ASPHD2: variants seen among roughly 807,000 people sequenced by gnomAD.
ASPHD2 encodes aspartate beta-hydroxylase domain-containing protein 2.
ASPHD2 carries 12 observed loss-of-function variants against 34.6 expected under a neutral mutation model. That is an observed-to-expected ratio of 0.35 (90% CI 0.22 to 0.56). The LOEUF (loss-of-function observed/expected upper bound fraction) is 0.56, where lower values mean the gene tolerates loss of function less well. ASPHD2 is among the 20% of genes least tolerant of loss of function. The probability of loss-of-function intolerance (pLI) is 0.87; values close to 1 mark genes in which losing one functional copy is unlikely to be tolerated. For synonymous variants in ASPHD2, 224 were observed against 212.2 expected (o/e 1.06, Z -0.48); for missense variants, 375 against 505.0 (o/e 0.74, Z 2.47).
rs1043099097 is a variant in ASPHD2, at chr22:26,444,225, A to G, written c.*1019A>G. On this transcript the variant is annotated 3_prime_UTR_variant, in exon 4 of 4. Coordinates refer to ENST00000215906, the MANE Select transcript of ASPHD2 (RefSeq NM_020437.5). ...GTTTTGCTTTGGAGTTCTGTTGCCTATGTTTTTTTTTTTTTCATTTATTTG... is the reference window on the plus strand; with the variant it reads ...GTTTTGCTTTGGAGTTCTGTTGCCTGTGTTTTTTTTTTTTTCATTTATTTG... 1.4e-5 allele frequency: 2 copies of G among 143,350 alleles called. No individual in the cohort carries two copies. The highest frequency in any genetic ancestry group is 5.2e-5 in the African/African-American group (2 of 38,216). 8.9% of individuals were successfully genotyped at this position (143,350 alleles called of 1,614,324 possible).
Position 26,434,129 on chromosome 22 carries a change from G to T in ASPHD2, c.514G>T (p.Asp172Tyr), listed in dbSNP as rs142083990. The T allele has an allele frequency of 1.2e-6, 2 of 1,611,898 alleles. No individual in the cohort carries two copies. The highest frequency in any genetic ancestry group is 3.4e-5 in the Admixed American group (2 of 59,306). ...IQKPEVFFLP[D>Y]LPTTPYFSRD... ...GAAGCCCGAGGTCTTCTTCCTGCCC[G>T]ACCTGCCCACCACGCCCTATTTCTC... Residue 172 changes from aspartate (D) to tyrosine (Y), a missense_variant, in exon 2 of 4, where the codon GAC becomes TAC. By Grantham distance (160) the Asp-to-Tyr change is radical (BLOSUM62 -3). Transcript: ENST00000215906.
rs955886054 is a variant in ASPHD2 at position 26,433,092 on chromosome 22, G to A, written c.-224-300G>A. ...TCTCTGCCCTGGCTGTATAACTCTC[G>A]TGAGTTATGTAACTTCTCTGAGCCT... On this transcript the variant is annotated intron_variant, in intron 1 of 3. Coordinates refer to ENST00000215906, the MANE Select transcript of ASPHD2 (RefSeq NM_020437.5). The surrounding 1 kb of genome is among the most constrained non-coding windows in gnomAD (Gnocchi z 5.1). Among the ~76,000 whole-genome samples the A allele has an allele frequency of 3.9e-5, 6 of 152,156 alleles. No homozygotes were observed. Among genetic ancestry groups the A allele is most frequent in the African/African-American group, 1.4e-4 (6 of 41,410 alleles).
In ASPHD2 at chr22:26,433,348, T is replaced by C; in HGVS notation, c.-224-44T>C. 3.9e-6 allele frequency: 2 copies of C among 514,754 alleles called. No individual in the cohort carries two copies. The highest frequency in any genetic ancestry group is 6.9e-6 in the Non-Finnish European group (2 of 291,758). The allele number at this position is 514,754 out of a possible 1,614,324, so 31.9% of individuals were successfully genotyped here. A position where few individuals can be genotyped will look rare whatever the true frequency, so the allele number is the denominator to read the frequency against. On this transcript the variant is annotated intron_variant, in intron 1 of 3. Transcript: ENST00000215906. This position sits in a 1 kb window ranked among gnomAD's most constrained non-coding sequence, Gnocchi z 5.1. ...ACACTTTACATTTCAGTTGAGGACT[T>C]TTCCAGGTGTAAAATTTATGCTGAT...
chr22:26,443,207 G>C lies in ASPHD2; in HGVS notation c.*1G>C. The C allele has an allele frequency of 6.2e-7, 1 of 1,613,718 alleles. No homozygotes were observed. The highest frequency in any genetic ancestry group is 8.5e-7 in the Non-Finnish European group (1 of 1,179,608). On this transcript the variant is annotated 3_prime_UTR_variant, in exon 4 of 4. Coordinates refer to ENST00000215906, the MANE Select transcript of ASPHD2 (RefSeq NM_020437.5). ...TTTCATCTTTGCTCCGGGACGATGA[G>C]AGTATTTCCCATGCTGGAGTCGGCG...
intron 2 of ASPHD2, among the ~76,000 whole-genome samples, chr22:26,438,496 CACAT>C (rs1244217182): frequency 2.3e-5 from 2 of 88,382 alleles, no homozygotes; most frequent in East Asian, 3.1e-4. Context: ...TATAGATACA[CACAT>C]ACATATATAT....
chr22:26,436,224 G>A (rs141290093), intron 2 of ASPHD2, among the ~76,000 whole-genome samples: 3 of 152,308 alleles, frequency 2.0e-5, no homozygotes, highest in African/African-American at 7.2e-5. Flanking sequence ...TTAAGCCTCC[G>A]TTTTATCTTC....
chr22:26,431,417 GA>G (rs3071719), intron 1 of ASPHD2, among the ~76,000 whole-genome samples: 116,257 of 136,708 alleles, frequency 0.85, 50,055 homozygotes, highest in Non-Finnish European at 0.93. Flanking sequence ...GTGTGGGAAA[GA>G]AAAAAAAAAA....
chr22:26,441,641 T>A (rs889851427), intron 2 of ASPHD2, among the ~76,000 whole-genome samples: 11 of 149,870 alleles, frequency 7.3e-5, no homozygotes. Context: ...AATACAAAAA[T>A]TCGGCCAGGT....
chr22:26,441,581 G>A (rs2084840664), intron 2 of ASPHD2, among the ~76,000 whole-genome samples: 2 of 151,780 alleles, frequency 1.3e-5, no homozygotes, highest in South Asian at 4.2e-4. Flanking sequence ...CTTGAGGTCA[G>A]GAGTTCGAGA....
Position 26,434,215 on chromosome 22 carries a change from TGA to T in ASPHD2, c.602_603del (p.Glu201ValfsTer2). 1 of 1,614,032 alleles carries T rather than the reference TGA, an allele frequency of 6.2e-7. No individual in the cohort carries two copies. The highest frequency in any genetic ancestry group is 8.5e-7 in the Non-Finnish European group (1 of 1,179,986). Reference sequence around the variant, plus strand: ...AACGGAACTTCCAGACCATCCTGTGTGAGTTTGAGACCCTCTACAAAGCTTTC... The same window carrying T: ...AACGGAACTTCCAGACCATCCTGTGTGTTTGAGACCCTCTACAAAGCTTTC... Reference protein sequence around the residue: ...LERNFQTILCEFETLYKAFSN... With the variant: ...LERNFQTILCXFETLYKAFSN... On this transcript the variant is annotated frameshift_variant, in exon 2 of 4. Coordinates refer to ENST00000215906, the MANE Select transcript of ASPHD2 (RefSeq NM_020437.5). LOFTEE classifies it high-confidence loss of function.
At position 26,434,146 on chromosome 22, in the gene ASPHD2, C is replaced by A; in HGVS notation, c.531C>A (p.Pro177=). The A allele has an allele frequency of 1.2e-6, 2 of 1,612,176 alleles. No homozygotes were observed. Among genetic ancestry groups the A allele is most frequent in the Non-Finnish European group, 1.7e-6 (2 of 1,179,112 alleles). ...TCCTGCCCGACCTGCCCACCACGCC[C>A]TATTTCTCCCGGGACGCACAGAAAC... is the stretch of plus-strand genomic sequence containing the variant. ...VFFLPDLPTT[P]YFSRDAQKHD... is the part of the protein sequence containing the mutation. The change falls in exon 2 of 4, where the codon CCC becomes CCA. Residue 177 remains proline, a synonymous_variant. Coordinates refer to ENST00000215906, the MANE Select transcript of ASPHD2 (RefSeq NM_020437.5).
Position 26,434,261 on chromosome 22 carries a change from C to A in ASPHD2, c.646C>A (p.Gln216Lys), listed in dbSNP as rs2084777000. 2 of 1,614,088 alleles carry A rather than the reference C, an allele frequency of 1.2e-6. No individual in the cohort carries two copies. The highest frequency in any genetic ancestry group is 1.7e-6 in the Non-Finnish European group (2 of 1,180,038). ...AGCTTTCTCAAACTGCAGCCTCCCGCAAGGATGGAAAATGAACAGCACCCC... is the reference window on the plus strand; with the variant it reads ...AGCTTTCTCAAACTGCAGCCTCCCGAAAGGATGGAAAATGAACAGCACCCC... ...YKAFSNCSLP[Q>K]GWKMNSTPSG... is the part of the protein sequence containing the mutation. Residue 216 changes from glutamine (Q) to lysine (K), a missense_variant, in exon 2 of 4, where the codon CAA becomes AAA. Transcript: ENST00000215906.
chr22:26,432,225 G>A (rs1472085759), intron 1 of ASPHD2, among the ~76,000 whole-genome samples: 1 of 152,166 alleles, frequency 6.6e-6, no homozygotes, highest in African/African-American at 2.4e-5. Flanking sequence ...TAGGAAAAGC[G>A]ATCTGCCCAA....
Position 26,433,739 on chromosome 22 carries a change from C to G in ASPHD2, c.124C>G (p.Leu42Val). ...GGCCTGGAGCTGGTCGCTGGATGGC[C>G]TGAGGGACTGCATCGCCACCGGCAT... is the stretch of plus-strand genomic sequence containing the variant. The part of the protein sequence containing the change: ...LVAWSWSLDG[L>V]RDCIATGIQS... The change falls in exon 2 of 4, where the codon CTG (leucine) becomes GTG (valine). Residue 42 changes from leucine (L) to valine (V), a missense_variant. Coordinates refer to ENST00000215906, the MANE Select transcript of ASPHD2 (RefSeq NM_020437.5). This position sits in a 1 kb window ranked among gnomAD's most constrained non-coding sequence, Gnocchi z 5.1. The G allele has an allele frequency of 6.2e-7, 1 of 1,613,762 alleles. No homozygotes were observed. Among genetic ancestry groups the G allele is most frequent in the Non-Finnish European group, 8.5e-7 (1 of 1,180,036 alleles).
At chr22:26,431,388 C>G (rs935074969) in intron 1 of ASPHD2, among the ~76,000 whole-genome samples, 1 of 146,300 alleles carries the variant, frequency 6.8e-6, no homozygotes, top group Non-Finnish European at 1.5e-5. Flanking sequence ...TCTCCTGAAT[C>G]TGAGAAGAAA....
At chr22:26,431,559 A>G (rs1166009917) in intron 1 of ASPHD2, among the ~76,000 whole-genome samples, 1 of 152,190 alleles carries the variant, frequency 6.6e-6, no homozygotes, top group Non-Finnish European at 1.5e-5. Flanking sequence ...TAGTCAAGTG[A>G]TTATTCAACC....
At chr22:26,435,592 G>C (rs2084785964) in intron 2 of ASPHD2, among the ~76,000 whole-genome samples, 1 of 152,178 alleles carries the variant, frequency 6.6e-6, no homozygotes, top group Non-Finnish European at 1.5e-5. Context: ...GGGCTGCCTG[G>C]GAAGGAGCCG....
In ASPHD2 at chr22:26,444,454, C is replaced by T. The variant is rs2084891809; in HGVS notation, c.*1248C>T. On this transcript the variant is annotated 3_prime_UTR_variant, in exon 4 of 4. Transcript: ENST00000215906. ...TCTCCTGTGAAGAACATGTGGATCTCTTCCCGAAGGAAAAGGTCCCAGGAG... is the reference window on the plus strand; with the variant it reads ...TCTCCTGTGAAGAACATGTGGATCTTTTCCCGAAGGAAAAGGTCCCAGGAG... 2.0e-5 allele frequency: 3 copies of T among 152,196 alleles called. No individual in the cohort carries two copies. Among genetic ancestry groups the T allele is most frequent in the Admixed American group, 2.0e-4 (3 of 15,274 alleles). 9.4% of individuals were successfully genotyped at this position (152,196 alleles called of 1,614,324 possible).
rs950476688 is a variant in ASPHD2 at position 26,429,687 on chromosome 22, C to T, written c.-225+201C>T. Among the ~76,000 whole-genome samples, 1 of 151,974 alleles carries T rather than the reference C, an allele frequency of 6.6e-6. No homozygotes were observed. Among genetic ancestry groups the T allele is most frequent in the Non-Finnish European group, 1.5e-5 (1 of 67,938 alleles). Reference sequence around the variant, plus strand: ...GGCCCGGCCGAGGCCAGTGCTCGTACGTGCTAAGCGCCGCCGCCTCGGAGC... The same window carrying T: ...GGCCCGGCCGAGGCCAGTGCTCGTATGTGCTAAGCGCCGCCGCCTCGGAGC... On this transcript the variant is annotated intron_variant, in intron 1 of 3. Transcript: ENST00000215906. The surrounding 1 kb of genome is among the most constrained non-coding windows in gnomAD (Gnocchi z 4.5).
Sources: gnomAD v4.1 joint callset for allele counts (sites outside exome capture counted in the v4.1 genomes callset) on GRCh38, gnomAD v4.1.1 for gene constraint, Gnocchi (gnomAD v3.1) non-coding constraint, MANE v1.5 for transcripts, NCBI Gene and HGNC (gene_info 2026-07-23, HGNC 2026-07-21) for gene names.